TRIP4: variants seen among roughly 807,000 people sequenced by gnomAD.
The protein encoded by TRIP4 is activating signal cointegrator 1.
TRIP4 carries 54 observed loss-of-function variants against 81.8 expected under a neutral mutation model. That is an observed-to-expected ratio of 0.66 (90% CI 0.53 to 0.83). The LOEUF (loss-of-function observed/expected upper bound fraction) is 0.83. Ranked by LOEUF, TRIP4 falls within the 40% of genes least tolerant of loss-of-function variation. The pLI, the probability that TRIP4 is intolerant of heterozygous loss-of-function variation, is 0.00. For missense variants in TRIP4, 662 were observed against 683.6 expected, an observed-to-expected ratio of 0.97 and a Z score of 0.35; for synonymous variants, 270 against 242.8, an observed-to-expected ratio of 1.11 and a Z score of -1.04.
rs190832520 is a variant in TRIP4 at position 64,395,804 on chromosome 15, G to C, written c.405+273G>C. Among the ~76,000 whole-genome samples, 481 of 149,196 alleles carry C rather than the reference G, an allele frequency of 3.2e-3. 1 individual carries two copies. Among genetic ancestry groups the C allele is most frequent in the African/African-American group, 0.011 (461 of 40,420 alleles). On this transcript the variant is annotated intron_variant, in intron 3 of 12. Coordinates refer to ENST00000261884, the MANE Select transcript of TRIP4 (RefSeq NM_016213.5). ...TTTCCAGTCTGGAGTGCAGTGGTGC[G>C]ATCTCTGCTCATTGCAACCTCCGCT...
At chr15:64,390,283 G>A (rs1293701394) in intron 1 of TRIP4, among the ~76,000 whole-genome samples, 1 of 150,852 alleles carries the variant, frequency 6.6e-6, no homozygotes, top group Non-Finnish European at 1.5e-5. Context: ...CCAACATGGC[G>A]AAACCCCCAC....
intron 12 of TRIP4, among the ~76,000 whole-genome samples, chr15:64,449,893 T>C (rs1435524994): frequency 6.6e-6 from 1 of 152,236 alleles, no homozygotes; most frequent in South Asian, 2.1e-4. Context: ...TGACAAATAT[T>C]TTTTCCCCTT....
Position 64,387,932 on chromosome 15 carries a change from T to G in TRIP4, c.69T>G (p.Thr23=). Residue 23 remains threonine, a synonymous_variant, in exon 1 of 13, where the codon ACT becomes ACG. Transcript: ENST00000261884. ...VHWCTQQLRK[T]FGLDVSEEII... is the part of the protein sequence containing the mutation. ...GGTGCACCCAGCAGTTGCGGAAGAC[T>G]TTCGGCCTGGATGTCAGCGAGGAGA... The G allele has an allele frequency of 1.3e-6, 2 of 1,551,152 alleles. No individual in the cohort carries two copies. The highest frequency in any genetic ancestry group is 1.7e-6 in the Non-Finnish European group (2 of 1,147,056).
intron 12 of TRIP4, chr15:64,451,119 A>G (rs1892747395): frequency 6.1e-6 from 1 of 162,684 alleles, no homozygotes; most frequent in Admixed American, 6.0e-5. Context: ...GAAGCCCCCC[A>G]CTTTTTTTTT....
At chr15:64,447,692 C>G (rs751551116) in intron 12 of TRIP4, among the ~76,000 whole-genome samples, 1 of 152,102 alleles carries the variant, frequency 6.6e-6, no homozygotes, top group Non-Finnish European at 1.5e-5. Flanking sequence ...CCCTGGAAAT[C>G]CTTTCTTTTC....
intron 8 of TRIP4, among the ~76,000 whole-genome samples, chr15:64,414,476 CAG>C (rs1016289249): frequency 1.3e-4 from 20 of 148,642 alleles, no homozygotes; most frequent in Non-Finnish European, 3.0e-4. Context: ...GAAATTTAGA[CAG>C]AAATTCCATG....
intron 2 of TRIP4, among the ~76,000 whole-genome samples, chr15:64,394,715 G>T (rs1344065228): frequency 6.6e-6 from 1 of 151,916 alleles, no homozygotes; most frequent in African/African-American, 2.4e-5. Flanking sequence ...TTTTTCAGTC[G>T]TGCATACCTG....
At chr15:64,444,545 A>G (rs1191382351) in intron 11 of TRIP4, 1 of 152,180 alleles carries the variant, frequency 6.6e-6, no homozygotes, top group East Asian at 1.9e-4. Flanking sequence ...CCTTCCCTTT[A>G]GCTAGAGAAG....
At chr15:64,413,511 G>A (rs16947945) in intron 7 of TRIP4, among the ~76,000 whole-genome samples, 1 of 152,146 alleles carries the variant, frequency 6.6e-6, no homozygotes, top group African/African-American at 2.4e-5. Flanking sequence ...CATGTTTAAT[G>A]ATCTTGTTGA....
intron 10 of TRIP4, among the ~76,000 whole-genome samples, chr15:64,425,162 T>C (rs1892114393): frequency 6.6e-6 from 1 of 152,174 alleles, no homozygotes; most frequent in Admixed American, 6.6e-5. Context: ...TTTTGATGTT[T>C]TTTTTTTCTT....
At chr15:64,388,140 G>C in intron 1 of TRIP4, 176 bp downstream of exon 1, 5 of 1,170,940 alleles carry the variant, frequency 4.3e-6, no homozygotes, top group Non-Finnish European at 5.5e-6. Flanking sequence ...TTCTGGAATA[G>C]GGTGTCCGGC....
chr15:64,392,928 A>T (rs1386146682), intron 1 of TRIP4, among the ~76,000 whole-genome samples: 2 of 152,076 alleles, frequency 1.3e-5, no homozygotes, highest in Non-Finnish European at 2.9e-5. Context: ...ATATTCTCTT[A>T]GTGAGGCCCA....
chr15:64,413,054 G>T (rs2140294330), intron 7 of TRIP4, among the ~76,000 whole-genome samples: 1 of 152,146 alleles, frequency 6.6e-6, no homozygotes, highest in Middle Eastern at 3.4e-3. Flanking sequence ...TAACTTCTGA[G>T]CCTTCAAGCA....
In TRIP4 at chr15:64,399,535, C is replaced by G. The variant is rs567870065; in HGVS notation, c.619-1208C>G. Among the ~76,000 whole-genome samples the G allele has an allele frequency of 7.9e-5, 12 of 152,128 alleles. No individual in the cohort carries two copies. The South Asian group carries it at 2.3e-3, about 29-fold the overall frequency. Reference sequence around the variant, plus strand: ...GTTTGTTTGTTTTTTGAGATGGAGTCTCACTCTCTTGCCCAGCCTGGAGTG... The same window carrying G: ...GTTTGTTTGTTTTTTGAGATGGAGTGTCACTCTCTTGCCCAGCCTGGAGTG... On this transcript the variant is annotated intron_variant, in intron 4 of 12. Coordinates refer to ENST00000261884, the MANE Select transcript of TRIP4 (RefSeq NM_016213.5).
intron 12 of TRIP4, among the ~76,000 whole-genome samples, chr15:64,449,222 AAATT>A (rs1349906775): frequency 1.1e-4 from 17 of 152,022 alleles, no homozygotes; most frequent in Non-Finnish European, 1.3e-4. Context: ...TAAAAAAAAA[AAATT>A]AATTAATAGT....
At chr15:64,391,159 T>TA (rs1475844334) in intron 1 of TRIP4, among the ~76,000 whole-genome samples, 1 of 151,986 alleles carries the variant, frequency 6.6e-6, no homozygotes, top group Non-Finnish European at 1.5e-5. Context: ...TATTAACTTT[T>TA]TTTTTTTTCT....
chr15:64,448,218 C>T (rs1043837680), intron 12 of TRIP4, among the ~76,000 whole-genome samples: 3 of 152,128 alleles, frequency 2.0e-5, no homozygotes, highest in Admixed American at 2.0e-4. Flanking sequence ...TTTTCATCTG[C>T]TGCCTAAAGT....
In TRIP4 at chr15:64,453,373, A is replaced by G. The variant is rs890120269; in HGVS notation, c.1679-1624A>G. 5.3e-5 allele frequency among the ~76,000 whole-genome samples: 8 copies of G among 152,336 alleles called. 1 individual carries two copies. In the East Asian group the frequency reaches 1.5e-3, roughly 29 times the overall value. On this transcript the variant is annotated intron_variant, in intron 12 of 12. Coordinates refer to ENST00000261884, the MANE Select transcript of TRIP4 (RefSeq NM_016213.5). ...GTGGTTACTTAGTACTGTCTATAAT[A>G]TAAAGGTTTTGAAATTTGTAGTGTC... is the stretch of plus-strand genomic sequence containing the variant.
At chr15:64,391,466 A>G (rs1017538114) in intron 1 of TRIP4, among the ~76,000 whole-genome samples, 3 of 151,934 alleles carry the variant, frequency 2.0e-5, no homozygotes, top group African/African-American at 7.2e-5. Context: ...TAACTTTCTA[A>G]TTAGTGATAC....
Sources: allele counts gnomAD v4.1 joint callset (sites outside exome capture counted in the v4.1 genomes callset), GRCh38; gene constraint gnomAD v4.1.1; transcripts MANE v1.5; gene names NCBI Gene and HGNC (gene_info 2026-07-23, HGNC 2026-07-21).